C10orf90: variants seen among roughly 807,000 people sequenced by gnomAD.
C10orf90 encodes (E2-independent) E3 ubiquitin-conjugating enzyme FATS.
In C10orf90, 56 loss-of-function variants were observed where a neutral mutation model predicts 62.5. The ratio of observed to expected loss-of-function variants is 0.90; its 90% confidence interval spans 0.72 to 1.12. The LOEUF (loss-of-function observed/expected upper bound fraction) is 1.12. C10orf90 is among the 50% of genes most tolerant of loss of function. C10orf90 has a pLI of 0.00. For missense variants in C10orf90, 970 were observed against 880.4 expected, an observed-to-expected ratio of 1.10 and a Z score of -1.29; for synonymous variants, 386 against 340.4, an observed-to-expected ratio of 1.13 and a Z score of -1.47.
intron 4 of C10orf90, among the ~76,000 whole-genome samples, chr10:126,488,872 A>G (rs1188774133): frequency 6.6e-6 from 1 of 152,134 alleles, no homozygotes; most frequent in Non-Finnish European, 1.5e-5. Context: ...TACAGCAAAT[A>G]AAAAATTGAA....
chr10:126,442,882 G>C (rs1448453972), intron 7 of C10orf90, among the ~76,000 whole-genome samples: 1 of 151,516 alleles, frequency 6.6e-6, no homozygotes, highest in Non-Finnish European at 1.5e-5. Context: ...AAAATACATG[G>C]AAATTAAATT....
chr10:126,552,944 G>T (rs1388216901), intron 2 of C10orf90, among the ~76,000 whole-genome samples: 1 of 152,134 alleles, frequency 6.6e-6, no homozygotes, highest in African/African-American at 2.4e-5. Context: ...AAATCGTTTT[G>T]GGTCTATTAG....
At chr10:126,632,039 G>A (rs978094757) in intron 2 of C10orf90, among the ~76,000 whole-genome samples, 9 of 152,044 alleles carry the variant, frequency 5.9e-5, no homozygotes, top group Admixed American at 2.0e-4. Context: ...AGAAACTGGC[G>A]AAACTCATAA....
intron 2 of C10orf90, among the ~76,000 whole-genome samples, chr10:126,617,850 T>G (rs772769657): frequency 2.0e-5 from 3 of 152,186 alleles, no homozygotes; most frequent in African/African-American, 7.2e-5. Flanking sequence ...ATTATGAGAA[T>G]AGATTATACA....
rs112439089 is a variant in C10orf90, at chr10:126,574,925, A to T, written c.314-60986T>A. Among the ~76,000 whole-genome samples the T allele has an allele frequency of 2.2e-3, 333 of 152,272 alleles. 1 individual carries two copies. The highest frequency in any genetic ancestry group is 7.5e-3 in the African/African-American group (312 of 41,578). On this transcript the variant is annotated intron_variant, in intron 2 of 9. Coordinates refer to ENST00000488181, the MANE Select transcript of C10orf90 (RefSeq NM_001350921.2). ...TTTCATTTCTCTTGGTAGAATATTG[A>T]AAGCTTTCCCTCTGAGCTTCAGGGA...
chr10:126,492,675 A>G (rs1861830219), intron 4 of C10orf90, among the ~76,000 whole-genome samples: 1 of 152,360 alleles, frequency 6.6e-6, no homozygotes. Context: ...ATATGAGAAC[A>G]TTCAATATCT....
chr10:126,649,312 C>T (rs1846245375), intron 1 of C10orf90, among the ~76,000 whole-genome samples: 1 of 152,062 alleles, frequency 6.6e-6, no homozygotes, highest in Admixed American at 6.5e-5. Context: ...TGGTTTCTCC[C>T]TGTAATCCTT....
At chr10:126,460,039 A>C (rs944283900) in intron 6 of C10orf90, among the ~76,000 whole-genome samples, 3 of 152,196 alleles carry the variant, frequency 2.0e-5, no homozygotes, top group Admixed American at 6.5e-5. Flanking sequence ...GTAACACCCT[A>C]TCCACGGGAA....
At chr10:126,448,356 A>AAAC (rs1858940785) in intron 7 of C10orf90, among the ~76,000 whole-genome samples, 1 of 152,170 alleles carries the variant, frequency 6.6e-6, no homozygotes, top group Admixed American at 6.5e-5. Flanking sequence ...CAATATGCTA[A>AAAC]AACATATGGA....
intron 2 of C10orf90, among the ~76,000 whole-genome samples, chr10:126,598,698 G>T (rs548854351): frequency 6.6e-6 from 1 of 152,162 alleles, no homozygotes; most frequent in Non-Finnish European, 1.5e-5. Context: ...ATCAACTCAC[G>T]GGTAAGCTTA....
chr10:126,462,930 C>A (rs533811056), intron 5 of C10orf90, among the ~76,000 whole-genome samples: 2 of 152,298 alleles, frequency 1.3e-5, no homozygotes, highest in Non-Finnish European at 2.9e-5. Flanking sequence ...CAACAGCACA[C>A]CACTTAGAAG....
At chr10:126,668,270 A>G (rs1267104031) in intron 1 of C10orf90, among the ~76,000 whole-genome samples, 1 of 152,222 alleles carries the variant, frequency 6.6e-6, no homozygotes, top group Non-Finnish European at 1.5e-5. Flanking sequence ...ACCTTTGTGC[A>G]TTGAGAGTTC....
At chr10:126,567,635 C>T (rs1016674010) in intron 2 of C10orf90, among the ~76,000 whole-genome samples, 1 of 152,086 alleles carries the variant, frequency 6.6e-6, no homozygotes, top group Non-Finnish European at 1.5e-5. Context: ...TGGAGGAGAC[C>T]ACAGAAAGGG....
chr10:126,490,900 G>T (rs566780768), intron 4 of C10orf90, among the ~76,000 whole-genome samples: 1 of 152,158 alleles, frequency 6.6e-6, no homozygotes, highest in South Asian at 2.1e-4. Flanking sequence ...TAAAAAAATT[G>T]TTCCTATATA....
intron 7 of C10orf90, among the ~76,000 whole-genome samples, chr10:126,434,399 G>A (rs1857783833): frequency 6.6e-6 from 1 of 152,180 alleles, no homozygotes; most frequent in South Asian, 2.1e-4. Flanking sequence ...CTTATCTACA[G>A]CTCTGATTGC....
chr10:126,617,204 C>T (rs1271600871), intron 2 of C10orf90, among the ~76,000 whole-genome samples: 2 of 152,178 alleles, frequency 1.3e-5, no homozygotes, highest in Admixed American at 1.3e-4. Context: ...CTACTGTACC[C>T]ACTCACATCC....
intron 7 of C10orf90, among the ~76,000 whole-genome samples, chr10:126,435,853 G>A (rs1485029661): frequency 6.6e-6 from 1 of 152,032 alleles, no homozygotes; most frequent in African/African-American, 2.4e-5. Flanking sequence ...TCCCCAAGTG[G>A]CACATGAACT....
intron 1 of C10orf90, among the ~76,000 whole-genome samples, chr10:126,650,405 G>A (rs1417256477): frequency 6.6e-6 from 1 of 152,200 alleles, no homozygotes; most frequent in African/African-American, 2.4e-5. Flanking sequence ...GGTGTCACGT[G>A]AGGAGCTATC....
At chr10:126,571,864 C>A (rs1274383927) in intron 2 of C10orf90, among the ~76,000 whole-genome samples, 3 of 152,208 alleles carry the variant, frequency 2.0e-5, no homozygotes, top group Non-Finnish European at 4.4e-5. Flanking sequence ...TCACACCTAA[C>A]AATGCAGGTA....
Sources: gnomAD v4.1 joint callset for allele counts (sites outside exome capture counted in the v4.1 genomes callset) on GRCh38, gnomAD v4.1.1 for gene constraint, MANE v1.5 for transcripts, NCBI Gene and HGNC (gene_info 2026-07-23, HGNC 2026-07-21) for gene names.